The following VPS26B variants were observed in gnomAD, a reference collection of about 807,000 sequenced individuals.
VPS26B encodes vacuolar protein sorting-associated protein 26B.
In VPS26B, 10 loss-of-function variants were observed where a neutral mutation model predicts 33.3. The observed-to-expected ratio is 0.30, with a 90% CI of 0.19 to 0.51. The LOEUF is 0.51. VPS26B is among the 20% of genes least tolerant of loss of function. VPS26B has a pLI of 0.98. For synonymous variants in VPS26B, 190 were observed against 176.9 expected (o/e 1.07, Z -0.59); for missense variants, 317 against 452.7 (o/e 0.70, Z 2.72).
Position 134,225,029 on chromosome 11 carries a change from C to A in VPS26B, c.-94C>A. The A allele has an allele frequency of 8.2e-7, 1 of 1,218,488 alleles. No homozygotes were observed. The highest frequency in any genetic ancestry group is 1.1e-6 in the Non-Finnish European group (1 of 934,586). 75.5% of individuals were successfully genotyped at this position (1,218,488 alleles called of 1,614,324 possible). On this transcript the variant is annotated 5_prime_UTR_variant, in exon 1 of 6. Transcript: ENST00000281187. Reference sequence around the variant, plus strand: ...GCCCCGCGGCGGCCGAGCGCGCTCGCGCATCGGGCCCTCTGGCCTTCTTTA... The same window carrying A: ...GCCCCGCGGCGGCCGAGCGCGCTCGAGCATCGGGCCCTCTGGCCTTCTTTA...
Position 134,244,832 on chromosome 11 carries a change from T to C in VPS26B, c.722-106T>C. 2 of 1,434,398 alleles carry C rather than the reference T, an allele frequency of 1.4e-6. No homozygotes were observed. The highest frequency in any genetic ancestry group is 1.4e-5 in the South Asian group (1 of 70,750). 88.9% of individuals were successfully genotyped at this position (1,434,398 alleles called of 1,614,324 possible). On this transcript the variant is annotated intron_variant, in intron 4 of 5. Coordinates refer to ENST00000281187, the MANE Select transcript of VPS26B (RefSeq NM_052875.5). The surrounding 1 kb of genome is among the most constrained non-coding windows in gnomAD (Gnocchi z 4.0). ...GCACCTTCCCAGAAGGCTGAAGTGC[T>C]CGTGTGCTGCACTCCAGTGGCATCT...
rs1938483521 is a variant in VPS26B at position 134,226,800 on chromosome 11, A to C, written c.223+1455A>C. 3.3e-5 allele frequency among the ~76,000 whole-genome samples: 5 copies of C among 152,210 alleles called. No individual in the cohort carries two copies. The South Asian group carries it at 1.0e-3, about 32-fold the overall frequency. ...CACAGGTAGGAGAAACCCTGGGAAA[A>C]GGAGGCCTTGTGGCCTGGCTCTTGG... On this transcript the variant is annotated intron_variant, in intron 1 of 5. Coordinates refer to ENST00000281187, the MANE Select transcript of VPS26B (RefSeq NM_052875.5).
Position 134,225,193 on chromosome 11 carries a change from G to A in VPS26B, c.71G>A (p.Arg24Gln), listed in dbSNP as rs1166887322. Residue 24 changes from arginine to glutamine, a missense_variant, in exon 1 of 6, where the codon CGG becomes CAG. By Grantham distance (43) the Arg-to-Gln change is conservative. Transcript: ENST00000281187. Reference protein sequence around the residue: ...ILLNDAESRKRAEHKTEDGKK... With the variant: ...ILLNDAESRKQAEHKTEDGKK... ...CTGAACGATGCAGAGAGTAGGAAGCGGGCCGAGCACAAGACGGAGGACGGG... is the reference window on the plus strand; with the variant it reads ...CTGAACGATGCAGAGAGTAGGAAGCAGGCCGAGCACAAGACGGAGGACGGG... The A allele has an allele frequency of 1.2e-5, 20 of 1,614,180 alleles. No homozygotes were observed. Among genetic ancestry groups the A allele is most frequent in the Non-Finnish European group, 1.4e-5 (17 of 1,180,000 alleles).
At chr11:134,242,704 A>G (rs1453283757) in intron 3 of VPS26B, among the ~76,000 whole-genome samples, 5 of 152,380 alleles carry the variant, frequency 3.3e-5, no homozygotes, top group African/African-American at 1.2e-4. Context: ...GCTTTGAGCC[A>G]TCCAGGTCCA....
intron 1 of VPS26B, among the ~76,000 whole-genome samples, chr11:134,226,512 GC>G (rs1938475543): frequency 6.6e-6 from 1 of 152,190 alleles, no homozygotes; most frequent in Non-Finnish European, 1.5e-5. Flanking sequence ...CCAATTCTAA[GC>G]CTTATTTAGA....
At position 134,245,198 on chromosome 11, in the gene VPS26B, T is replaced by C; in HGVS notation, c.864+118T>C. ...GGTGGGAACATTAGGTCGCCCACAA[T>C]TGCACAACAAGAATGAGGATTCTCA... On this transcript the variant is annotated intron_variant, in intron 5 of 5. Coordinates refer to ENST00000281187, the MANE Select transcript of VPS26B (RefSeq NM_052875.5). The surrounding 1 kb of genome is among the most constrained non-coding windows in gnomAD (Gnocchi z 4.7). 7.0e-7 allele frequency: 1 copy of C among 1,422,574 alleles called. No individual in the cohort carries two copies. The highest frequency in any genetic ancestry group is 9.4e-7 in the Non-Finnish European group (1 of 1,066,862). 88.1% of individuals were successfully genotyped at this position (1,422,574 alleles called of 1,614,324 possible).
chr11:134,235,125 C>G (rs991705343), intron 2 of VPS26B, 72 bp downstream of exon 2: 7 of 1,533,062 alleles, frequency 4.6e-6, no homozygotes, highest in Non-Finnish European at 6.2e-6. Flanking sequence ...TGAGGCCGTC[C>G]CCACTTTGAG....
At position 134,240,802 on chromosome 11, in the gene VPS26B, T is replaced by TGTGTGTCC. The variant is rs1938711233; in HGVS notation, c.545+653_545+654insCCGTGTGT. On this transcript the variant is annotated intron_variant, in intron 3 of 5. Coordinates refer to ENST00000281187, the MANE Select transcript of VPS26B (RefSeq NM_052875.5). The surrounding 1 kb of genome is among the most constrained non-coding windows in gnomAD (Gnocchi z 4.4). ...GTGTGTGTGTGTGTGTCCGTGTGTG[T>TGTGTGTCC]GTGTGTGTGTGTGTGTGTGTGTGTG... 6.9e-6 allele frequency among the ~76,000 whole-genome samples: 1 copy of TGTGTGTCC among 144,186 alleles called. No homozygotes were observed. Among genetic ancestry groups the TGTGTGTCC allele is most frequent in the Non-Finnish European group, 1.6e-5 (1 of 63,354 alleles). The allele number at this position is 144,186 out of a possible 152,430, so 94.6% of individuals were successfully genotyped here.
chr11:134,237,120 A>C (rs775296053), intron 2 of VPS26B, among the ~76,000 whole-genome samples: 1 of 152,226 alleles, frequency 6.6e-6, no homozygotes, highest in Non-Finnish European at 1.5e-5. Context: ...TTCTTATTAC[A>C]CAGGCAGAGG....
At position 134,225,066 on chromosome 11, in the gene VPS26B, CCG is replaced by C. The variant is rs1413614562; in HGVS notation, c.-53_-52del. 21 of 1,514,104 alleles carry C rather than the reference CCG, an allele frequency of 1.4e-5. No individual in the cohort carries two copies. Among genetic ancestry groups the C allele is most frequent in the Admixed American group, 6.1e-5 (3 of 48,822 alleles). The allele number at this position is 1,514,104 out of a possible 1,614,324, so 93.8% of individuals were successfully genotyped here. A position where few individuals can be genotyped will look rare whatever the true frequency, so the allele number is the denominator to read the frequency against. ...TCTGGCCTTCTTTACCTAGGGCAGC[CCG>C]CGCCCCGGTGCGAGGGAGCGGTCCT... is the stretch of plus-strand genomic sequence containing the variant. On this transcript the variant is annotated 5_prime_UTR_variant, in exon 1 of 6. Coordinates refer to ENST00000281187, the MANE Select transcript of VPS26B (RefSeq NM_052875.5).
intron 1 of VPS26B, among the ~76,000 whole-genome samples, chr11:134,225,610 C>T (rs1009583397): frequency 6.6e-6 from 1 of 152,254 alleles, no homozygotes; most frequent in Non-Finnish European, 1.5e-5. Context: ...GGATGGGCAC[C>T]TTGCCTATGG....
At chr11:134,243,069 G>C (rs758364584) in intron 3 of VPS26B, 50 bp from the exon 4 acceptor site, 1 of 1,598,582 alleles carries the variant, frequency 6.3e-7, no homozygotes, top group Non-Finnish European at 8.6e-7. Context: ...GAAACAGAAA[G>C]GTCTGGCCAC....
chr11:134,245,340 AG>A lies in VPS26B; in HGVS notation c.865-102del. 1 of 1,512,926 alleles carries A rather than the reference AG, an allele frequency of 6.6e-7. No individual in the cohort carries two copies. The highest frequency in any genetic ancestry group is 1.8e-5 in the Admixed American group (1 of 55,878). 93.7% of individuals were successfully genotyped at this position (1,512,926 alleles called of 1,614,324 possible). On this transcript the variant is annotated intron_variant, in intron 5 of 5. Transcript: ENST00000281187. The surrounding 1 kb of genome is among the most constrained non-coding windows in gnomAD (Gnocchi z 4.7). ...GCCTTTGGTGAGAGAGAAGCAGAGG[AG>A]GTCCTTGCCCGAGATTCCCCACGTC...
intron 1 of VPS26B, among the ~76,000 whole-genome samples, chr11:134,233,734 A>AC (rs1938592336): frequency 1.2e-5 from 1 of 83,676 alleles, no homozygotes; most frequent in Admixed American, 1.4e-4. Context: ...CAAAAAACAA[A>AC]CAAAAAAAGC....
chr11:134,229,273 T>C lies in VPS26B; in HGVS notation c.223+3928T>C, dbSNP rs536817170. Among the ~76,000 whole-genome samples, 6 of 152,312 alleles carry C rather than the reference T, an allele frequency of 3.9e-5. No homozygotes were observed. The South Asian group carries it at 1.2e-3, about 32-fold the overall frequency. On this transcript the variant is annotated intron_variant, in intron 1 of 5. Coordinates refer to ENST00000281187, the MANE Select transcript of VPS26B (RefSeq NM_052875.5). ...CTGGAACTCAAGCGATCCTCCTGCCTTGGCCTCCCAGAGTGCTGGGATTAC... is the reference window on the plus strand; with the variant it reads ...CTGGAACTCAAGCGATCCTCCTGCCCTGGCCTCCCAGAGTGCTGGGATTAC...
At position 134,246,333 on chromosome 11, in the gene VPS26B, TGCATGGCAACC is replaced by T. The variant is rs1938820128; in HGVS notation, c.*746_*756del. On this transcript the variant is annotated 3_prime_UTR_variant, in exon 6 of 6. Transcript: ENST00000281187. ...AACCCGGCCCACCACGGAAGATGAG[TGCATGGCAACC>T]GCCTGCCTTCACGTCGCTCCACTTG... 2 of 152,322 alleles carry T rather than the reference TGCATGGCAACC, an allele frequency of 1.3e-5. No homozygotes were observed. The highest frequency in any genetic ancestry group is 2.9e-5 in the Non-Finnish European group (2 of 68,264). 9.4% of individuals were successfully genotyped at this position (152,322 alleles called of 1,614,324 possible).
Position 134,245,700 on chromosome 11 carries a change from C to T in VPS26B, c.*110C>T, listed in dbSNP as rs1017672965. 10 of 1,336,678 alleles carry T rather than the reference C, an allele frequency of 7.5e-6. No homozygotes were observed. The East Asian group carries it at 2.5e-4, about 34-fold the overall frequency. 82.8% of individuals were successfully genotyped at this position (1,336,678 alleles called of 1,614,324 possible). ...TGAGGCTCAGTTGACCCGTTACTTG[C>T]AACCTGAAAACAAATCATGTTTTTG... On this transcript the variant is annotated 3_prime_UTR_variant, in exon 6 of 6. Coordinates refer to ENST00000281187, the MANE Select transcript of VPS26B (RefSeq NM_052875.5). This position sits in a 1 kb window ranked among gnomAD's most constrained non-coding sequence, Gnocchi z 4.7.
At chr11:134,237,659 G>T (rs1450693164) in intron 2 of VPS26B, among the ~76,000 whole-genome samples, 1 of 152,168 alleles carries the variant, frequency 6.6e-6, no homozygotes, top group Non-Finnish European at 1.5e-5. Flanking sequence ...AGAGGGGGGT[G>T]AATCAGGGCA....
At chr11:134,227,882 C>T (rs1047345000) in intron 1 of VPS26B, among the ~76,000 whole-genome samples, 1 of 152,202 alleles carries the variant, frequency 6.6e-6, no homozygotes, top group African/African-American at 2.4e-5. Context: ...GCTGCTCTTC[C>T]TCCTGTACCT....
Sources: allele counts gnomAD v4.1 joint callset (sites outside exome capture counted in the v4.1 genomes callset), GRCh38; gene constraint gnomAD v4.1.1; non-coding constraint Gnocchi (gnomAD v3.1); transcripts MANE v1.5; gene names NCBI Gene and HGNC (gene_info 2026-07-23, HGNC 2026-07-21).